The following VPS53 variants were observed in gnomAD, a reference collection of about 807,000 sequenced individuals.
VPS53 encodes VPS53 subunit of GARP complex.
In VPS53, 70 loss-of-function variants were observed where a neutral mutation model predicts 107.0. That is an observed-to-expected ratio of 0.65 (90% CI 0.54 to 0.80). The LOEUF (loss-of-function observed/expected upper bound fraction) is 0.80, where lower values mean the gene tolerates loss of function less well. Ranked by LOEUF, VPS53 falls within the 30% of genes least tolerant of loss-of-function variation. The pLI is 0.00. For missense variants in VPS53, 917 were observed against 1,049.4 expected (o/e 0.87, Z 1.74); for synonymous variants, 409 against 393.3 (o/e 1.04, Z -0.47).
At chr17:521,766 G>T in intron 19 of VPS53, 28 bp from the exon 20 acceptor site, 5 of 1,483,096 alleles carry the variant, frequency 3.4e-6, no homozygotes, top group East Asian at 2.6e-5. Flanking sequence ...GAGCATTACC[G>T]GCCCCTTCCA....
rs564554840 is a variant in VPS53, at chr17:515,071, T to C, written c.*4057A>G. On this transcript the variant is annotated 3_prime_UTR_variant, in exon 22 of 22. Coordinates refer to ENST00000437048, the MANE Select transcript of VPS53 (RefSeq NM_001128159.3). ...AGCAGAGTGAACTCTTTATTGATTA[T>C]ACAAATTACCACTATTTATTTTAAA... The C allele has an allele frequency of 1.3e-5, 2 of 152,302 alleles. No individual in the cohort carries two copies. The highest frequency in any genetic ancestry group is 1.9e-4 in the East Asian group (1 of 5,176). The allele number at this position is 152,302 out of a possible 1,614,324, so 9.4% of individuals were successfully genotyped here.
At chr17:567,900 G>C (rs78632199) in intron 13 of VPS53, among the ~76,000 whole-genome samples, 1 of 151,656 alleles carries the variant, frequency 6.6e-6, no homozygotes, top group Non-Finnish European at 1.5e-5. Flanking sequence ...GGGGAGGGGA[G>C]GGGAGGGGAG....
chr17:697,911 G>A (rs1367148333), intron 3 of VPS53, among the ~76,000 whole-genome samples: 3 of 152,086 alleles, frequency 2.0e-5, no homozygotes, highest in Non-Finnish European at 4.4e-5. Flanking sequence ...CAGTGCTTCC[G>A]GGCCCTGATC....
intron 4 of VPS53, among the ~76,000 whole-genome samples, chr17:672,393 T>C (rs539877975): frequency 5.3e-5 from 8 of 152,272 alleles, no homozygotes; most frequent in Middle Eastern, 3.4e-3. Context: ...AAGAGAGTCT[T>C]GAATGAGTTT....
intron 2 of VPS53, among the ~76,000 whole-genome samples, chr17:702,439 G>A (rs1973237800): frequency 6.6e-6 from 1 of 152,030 alleles, no homozygotes; most frequent in Non-Finnish European, 1.5e-5. Context: ...CGAGGTGGGC[G>A]GATCACAAGG....
At chr17:572,231 C>T (rs1407224614) in intron 13 of VPS53, among the ~76,000 whole-genome samples, 3 of 149,726 alleles carry the variant, frequency 2.0e-5, no homozygotes, top group African/African-American at 7.4e-5. Context: ...TCTGCCCGGC[C>T]GCGACCCCGT....
chr17:578,519 C>G (rs997695514), intron 13 of VPS53, among the ~76,000 whole-genome samples: 1 of 151,512 alleles, frequency 6.6e-6, no homozygotes, highest in Non-Finnish European at 1.5e-5. Context: ...CCCTCAGAAC[C>G]TAATGCGTTC....
intron 14 of VPS53, 75 bp downstream of exon 14, chr17:562,428 T>C: frequency 6.3e-7 from 1 of 1,585,956 alleles, no homozygotes; most frequent in South Asian, 1.1e-5. Flanking sequence ...GTAAACAACT[T>C]CAGAGTGGAT....
Position 656,860 on chromosome 17 carries a change from C to T in VPS53, c.373-907G>A, listed in dbSNP as rs1971212988. 6 of 1,590,798 alleles carry T rather than the reference C, an allele frequency of 3.8e-6. No individual in the cohort carries two copies. In the South Asian group the frequency reaches 4.4e-5, roughly 12 times the overall value. ...CTTCAGCAATGGTGAGGCGGATACCCTTTCCTCGGGGAAGAGAAATCCATC... is the reference window on the plus strand; with the variant it reads ...CTTCAGCAATGGTGAGGCGGATACCTTTTCCTCGGGGAAGAGAAATCCATC... On this transcript the variant is annotated intron_variant, in intron 5 of 21. Coordinates refer to ENST00000437048, the MANE Select transcript of VPS53 (RefSeq NM_001128159.3).
At chr17:616,817 G>A (rs1969158442) in intron 11 of VPS53, among the ~76,000 whole-genome samples, 2 of 152,206 alleles carry the variant, frequency 1.3e-5, no homozygotes, top group Non-Finnish European at 2.9e-5. Context: ...GTCCAGAAGG[G>A]CCTTCCCTGC....
At chr17:662,873 CGA>C (rs1971527150) in intron 4 of VPS53, among the ~76,000 whole-genome samples, 2 of 98,170 alleles carry the variant, frequency 2.0e-5, no homozygotes, top group Non-Finnish European at 4.3e-5. Context: ...AAGGAAGGAA[CGA>C]AGGAAGGAAG....
rs1376992026 is a variant in VPS53, at chr17:585,175, T to C, written c.1313+1095A>G. 2.0e-5 allele frequency among the ~76,000 whole-genome samples: 3 copies of C among 152,198 alleles called. No individual in the cohort carries two copies. In the East Asian group the frequency reaches 5.8e-4, roughly 29 times the overall value. On this transcript the variant is annotated intron_variant, in intron 13 of 21. Coordinates refer to ENST00000437048, the MANE Select transcript of VPS53 (RefSeq NM_001128159.3). ...GTTGGCAGGTACCACCTAAAGCAAG[T>C]AATCGAAGTCCCCAATAATGGGACA...
At chr17:638,226 T>C (rs919937402) in intron 7 of VPS53, among the ~76,000 whole-genome samples, 2 of 152,208 alleles carry the variant, frequency 1.3e-5, no homozygotes, top group African/African-American at 4.8e-5. Context: ...TATGAGAGAC[T>C]AGGATTGCAA....
At chr17:713,872 C>T (rs1401531743) in intron 1 of VPS53, among the ~76,000 whole-genome samples, 2 of 130,120 alleles carry the variant, frequency 1.5e-5, no homozygotes, top group African/African-American at 6.0e-5. Context: ...AAACCCCCGT[C>T]TTTACCCCAA....
chr17:664,052 G>T (rs1403226886), intron 4 of VPS53, among the ~76,000 whole-genome samples: 1 of 152,120 alleles, frequency 6.6e-6, no homozygotes, highest in Non-Finnish European at 1.5e-5. Flanking sequence ...GGATGAGGAG[G>T]TGTGAGAATT....
chr17:683,266 A>G (rs1317025631), intron 4 of VPS53, among the ~76,000 whole-genome samples: 1 of 152,176 alleles, frequency 6.6e-6, no homozygotes, highest in African/African-American at 2.4e-5. Context: ...AGTGAAAGGC[A>G]TTAAACCACT....
intron 12 of VPS53, among the ~76,000 whole-genome samples, chr17:591,824 G>A (rs1268069436): frequency 1.3e-5 from 2 of 152,150 alleles, no homozygotes; most frequent in Non-Finnish European, 2.9e-5. Flanking sequence ...TAGATGTGGT[G>A]TGGTGCTGAA....
At chr17:592,167 C>T (rs1181908780) in intron 12 of VPS53, among the ~76,000 whole-genome samples, 1 of 152,094 alleles carries the variant, frequency 6.6e-6, no homozygotes, top group Non-Finnish European at 1.5e-5. Flanking sequence ...CTCTTTTGAT[C>T]TTTGTTGGTT....
At chr17:670,496 G>A (rs574959209) in intron 4 of VPS53, among the ~76,000 whole-genome samples, 28 of 152,346 alleles carry the variant, frequency 1.8e-4, no homozygotes, top group South Asian at 4.1e-4. Context: ...GGAAGATAAG[G>A]AGTATGGAAC....
Sources: allele counts gnomAD v4.1 joint callset (sites outside exome capture counted in the v4.1 genomes callset), GRCh38; gene constraint gnomAD v4.1.1; transcripts MANE v1.5; gene names NCBI Gene and HGNC (gene_info 2026-07-23, HGNC 2026-07-21).